AGBL1: variants seen among roughly 807,000 people sequenced by gnomAD.
AGBL1 encodes the protein cytosolic carboxypeptidase 4.
A neutral mutation model predicts 118.9 loss-of-function variants in AGBL1; 130 were observed. That is an observed-to-expected ratio of 1.09 (90% CI 0.95 to 1.26). The LOEUF is 1.26. AGBL1 is among the 50% of genes most tolerant of loss of function. The probability of loss-of-function intolerance (pLI) is 0.00; values close to 1 mark genes in which losing one functional copy is unlikely to be tolerated. For synonymous variants in AGBL1, 555 were observed against 478.9 expected (o/e 1.16, Z -2.08); for missense variants, 1,584 against 1,298.1 (o/e 1.22, Z -3.38).
intron 21 of AGBL1, among the ~76,000 whole-genome samples, chr15:86,673,974 G>A (rs947996891): frequency 6.6e-6 from 1 of 152,098 alleles, no homozygotes; most frequent in African/African-American, 2.4e-5. Flanking sequence ...TGACCATGGT[G>A]TGGGAAGGGT....
At chr15:86,739,038 C>G (rs973914936) in intron 22 of AGBL1, among the ~76,000 whole-genome samples, 9 of 152,012 alleles carry the variant, frequency 5.9e-5, no homozygotes, top group African/African-American at 2.2e-4. Context: ...CACAGCTACT[C>G]AGGAGGCTAA....
chr15:86,465,049 G>T (rs1480718559), intron 18 of AGBL1, among the ~76,000 whole-genome samples: 3 of 152,092 alleles, frequency 2.0e-5, no homozygotes, highest in Non-Finnish European at 4.4e-5. Flanking sequence ...CCAATCAAAT[G>T]TAGGTTTTGT....
intron 6 of AGBL1, among the ~76,000 whole-genome samples, chr15:86,246,534 T>G (rs1190098769): frequency 3.9e-5 from 6 of 152,182 alleles, no homozygotes; most frequent in African/African-American, 1.2e-4. Flanking sequence ...ACTCTGGTGT[T>G]GTCCATTGGG....
Position 86,571,473 on chromosome 15 carries a change from A to G in AGBL1, c.2994+16936A>G, listed in dbSNP as rs114881882. 2.1e-3 allele frequency among the ~76,000 whole-genome samples: 322 copies of G among 152,252 alleles called. 2 individuals are homozygous for G. The highest frequency in any genetic ancestry group is 7.2e-3 in the African/African-American group (298 of 41,550). On this transcript the variant is annotated intron_variant, in intron 21 of 22. Coordinates refer to ENST00000614907, the MANE Select transcript of AGBL1 (RefSeq NM_001386094.1). ...TCCTCTCCATAGTCAGGGTGTCCCA[A>G]CAAGTGTGCAGCTCTTAGTAGAGAG...
intron 22 of AGBL1, among the ~76,000 whole-genome samples, chr15:86,766,024 C>T (rs985672396): frequency 3.3e-5 from 5 of 151,932 alleles, no homozygotes; most frequent in African/African-American, 1.2e-4. Flanking sequence ...ATAATCATAA[C>T]CAATATTTAC....
chr15:86,670,634 C>CTA (rs770256260), intron 21 of AGBL1, among the ~76,000 whole-genome samples: 1 of 34,654 alleles, frequency 2.9e-5, no homozygotes, highest in Non-Finnish European at 7.4e-5. Context: ...CACAAACACG[C>CTA]TGTGTGTGTG....
At chr15:86,795,834 C>G (rs1596488430) in intron 22 of AGBL1, among the ~76,000 whole-genome samples, 1 of 151,434 alleles carries the variant, frequency 6.6e-6, no homozygotes, top group East Asian at 2.0e-4. Context: ...GATCCACCCA[C>G]CCCAGCCCCG....
At chr15:86,355,151 G>C (rs1052271546) in intron 17 of AGBL1, among the ~76,000 whole-genome samples, 2 of 152,182 alleles carry the variant, frequency 1.3e-5, no homozygotes, top group East Asian at 3.8e-4. Flanking sequence ...ACAGACCTGT[G>C]AGATACATGG....
At chr15:86,935,867 C>A (rs2080667659) in intron 23 of AGBL1, among the ~76,000 whole-genome samples, 1 of 152,208 alleles carries the variant, frequency 6.6e-6, no homozygotes, top group African/African-American at 2.4e-5. Flanking sequence ...TTTCAATGTT[C>A]CAAATGTATT....
At chr15:86,934,353 T>C (rs7180940) in intron 23 of AGBL1, among the ~76,000 whole-genome samples, 103,005 of 152,036 alleles carry the variant, frequency 0.68, 35,740 homozygotes, top group South Asian at 0.86. Context: ...CAGCTCCCTA[T>C]TGGCCAAGAA....
At chr15:86,809,122 A>C (rs2078756198) in intron 22 of AGBL1, among the ~76,000 whole-genome samples, 1 of 152,174 alleles carries the variant, frequency 6.6e-6, no homozygotes, top group Non-Finnish European at 1.5e-5. Context: ...AAAATATAAC[A>C]GACTTGCCTA....
rs555194848 is a variant in AGBL1, at chr15:86,306,237, G to C, written c.2374+10829G>C. Among the ~76,000 whole-genome samples, 21 of 152,044 alleles carry C rather than the reference G, an allele frequency of 1.4e-4. 1 individual carries two copies. In the South Asian group the frequency reaches 2.5e-3, roughly 18 times the overall value. On this transcript the variant is annotated intron_variant, in intron 17 of 22. Coordinates refer to ENST00000614907, the MANE Select transcript of AGBL1 (RefSeq NM_001386094.1). The stretch of plus-strand genomic sequence containing the variant: ...TTATTGACTATAGTCACCCCATTGG[G>C]CTATCAAATAGTAGGTCTTAGTCAT...
At chr15:86,202,488 G>C (rs2077922901) in intron 5 of AGBL1, among the ~76,000 whole-genome samples, 1 of 152,130 alleles carries the variant, frequency 6.6e-6, no homozygotes, top group South Asian at 2.1e-4. Context: ...TTTCTTCATA[G>C]TAAAATGAGA....
chr15:86,773,716 G>A (rs2078213710), intron 22 of AGBL1, among the ~76,000 whole-genome samples: 1 of 151,952 alleles, frequency 6.6e-6, no homozygotes, highest in African/African-American at 2.4e-5. Flanking sequence ...GTGCAGAGAA[G>A]CAGAAGCCTG....
At chr15:86,328,550 C>T (rs140157196) in intron 17 of AGBL1, among the ~76,000 whole-genome samples, 1 of 152,096 alleles carries the variant, frequency 6.6e-6, no homozygotes. Context: ...ACTCTGTGAG[C>T]CTTAACTCAA....
At chr15:86,973,297 T>G (rs992570808) in intron 23 of AGBL1, among the ~76,000 whole-genome samples, 3 of 152,072 alleles carry the variant, frequency 2.0e-5, no homozygotes, top group African/African-American at 7.2e-5. Flanking sequence ...GATTTTATGC[T>G]CATGAAACCT....
chr15:86,913,799 G>A lies in AGBL1; in HGVS notation c.*6505G>A, dbSNP rs1168845486. ...AGGAGGATCACCTGAGCCTGGAAGT[G>A]GAAGGTTGAGGCTACGGTGAGTCGT... On this transcript the variant is annotated 3_prime_UTR_variant, in exon 23 of 23. Transcript: ENST00000614907. 1.3e-5 allele frequency: 2 copies of A among 152,290 alleles called. No homozygotes were observed. The highest frequency in any genetic ancestry group is 4.8e-5 in the African/African-American group (2 of 41,436). 9.4% of individuals were successfully genotyped at this position (152,290 alleles called of 1,614,324 possible). A position where few individuals can be genotyped will look rare whatever the true frequency, so the allele number is the denominator to read the frequency against.
chr15:86,340,619 G>T (rs536434497), intron 17 of AGBL1, among the ~76,000 whole-genome samples: 1 of 152,252 alleles, frequency 6.6e-6, no homozygotes, highest in East Asian at 1.9e-4. Flanking sequence ...CGTTGATTTT[G>T]ATTTCTGGCC....
chr15:86,265,095 C>G lies in AGBL1; in HGVS notation c.1667+257C>G, dbSNP rs2142036889. 2.0e-5 allele frequency among the ~76,000 whole-genome samples: 3 copies of G among 152,316 alleles called. No individual in the cohort carries two copies. The South Asian group carries it at 6.2e-4, about 32-fold the overall frequency. ...GAGTAATTCTAATACAACTCCTTAT[C>G]CTATCTCCATTGCAAACCACTATCA... is the stretch of plus-strand genomic sequence containing the variant. On this transcript the variant is annotated intron_variant, in intron 11 of 22. Transcript: ENST00000614907.
Sources: gnomAD v4.1 joint callset for allele counts (sites outside exome capture counted in the v4.1 genomes callset) on GRCh38, gnomAD v4.1.1 for gene constraint, MANE v1.5 for transcripts, NCBI Gene and HGNC (gene_info 2026-07-23, HGNC 2026-07-21) for gene names.